Variants in TLN2 observed in about 807,000 individuals in gnomAD.
TLN2 encodes the protein talin 2, also known as talin-2.
A neutral mutation model predicts 294.7 loss-of-function variants in TLN2; 118 were observed. The ratio of observed to expected loss-of-function variants is 0.40; its 90% confidence interval spans 0.34 to 0.47. TLN2 has a LOEUF of 0.47. Among genes scored for constraint, TLN2 ranks in the 20% least tolerant of loss-of-function variants. TLN2 has a pLI of 0.84. For synonymous variants in TLN2, 1,431 were observed against 1,304.5 expected, an observed-to-expected ratio of 1.10 and a Z score of -2.09; for missense variants, 3,083 against 3,282.2, an observed-to-expected ratio of 0.94 and a Z score of 1.48.
chr15:62,460,347 C>T (rs773009508), intron 1 of TLN2, among the ~76,000 whole-genome samples: 13 of 151,658 alleles, frequency 8.6e-5, no homozygotes, highest in Non-Finnish European at 1.8e-4. Flanking sequence ...CTCACCGCAA[C>T]CTCCGCCTCC....
At chr15:62,592,173 G>A (rs1260815591) in intron 2 of TLN2, among the ~76,000 whole-genome samples, 2 of 152,178 alleles carry the variant, frequency 1.3e-5, no homozygotes, top group Non-Finnish European at 2.9e-5. Flanking sequence ...ATGATGTGGG[G>A]AAGAGCAGCA....
At chr15:62,690,632 A>C (rs1458660002) in intron 12 of TLN2, among the ~76,000 whole-genome samples, 3 of 148,472 alleles carry the variant, frequency 2.0e-5, no homozygotes, top group Non-Finnish European at 4.4e-5. Context: ...AGAGGCTGCA[A>C]TCTCGGCACT....
chr15:62,673,072 T>TTGTGTGTG (rs60589441), intron 9 of TLN2, among the ~76,000 whole-genome samples: 40,664 of 144,724 alleles, frequency 0.28, 6,022 homozygotes, highest in East Asian at 0.53. Flanking sequence ...CCTAATTTAA[T>TTGTGTGTG]TGTGTGTGTG....
In TLN2 at chr15:62,655,928, T is replaced by A. The variant is rs1257653450; in HGVS notation, c.518-16T>A. ...AAAATAAACACAGTTCTCTTATATGTCTTGTTGTGTTGCAGTAAATTGGCT... is the reference window on the plus strand; with the variant it reads ...AAAATAAACACAGTTCTCTTATATGACTTGTTGTGTTGCAGTAAATTGGCT... On this transcript the variant is annotated splice_polypyrimidine_tract_variant and intron_variant, in intron 7 of 58. Coordinates refer to ENST00000636159, the MANE Select transcript of TLN2 (RefSeq NM_015059.3). 6.2e-7 allele frequency: 1 copy of A among 1,614,130 alleles called. No individual in the cohort carries two copies. Among genetic ancestry groups the A allele is most frequent in the East Asian group, 2.2e-5 (1 of 44,880 alleles).
At chr15:62,752,492 A>G in intron 35 of TLN2, 65 bp downstream of exon 35, 2 of 1,572,498 alleles carry the variant, frequency 1.3e-6, no homozygotes, top group Non-Finnish European at 1.7e-6. Flanking sequence ...GTGTGGGGGA[A>G]CTCCAGCTGC....
intron 57 of TLN2, among the ~76,000 whole-genome samples, chr15:62,836,496 C>T (rs533012343): frequency 6.6e-6 from 1 of 152,330 alleles, no homozygotes; most frequent in African/African-American, 2.4e-5. Flanking sequence ...TAGATGCAGG[C>T]ACCACATCTT....
intron 1 of TLN2, among the ~76,000 whole-genome samples, chr15:62,407,856 G>A (rs2033508795): frequency 6.6e-6 from 1 of 151,942 alleles, no homozygotes; most frequent in Admixed American, 6.6e-5. Context: ...CAGAGGTTAT[G>A]GTGAGCTAAG....
Position 62,819,604 on chromosome 15 carries a change from C to A in TLN2, c.6860C>A (p.Ala2287Glu). 1 of 1,611,166 alleles carries A rather than the reference C, an allele frequency of 6.2e-7. No homozygotes were observed. Among genetic ancestry groups the A allele is most frequent in the East Asian group, 2.2e-5 (1 of 44,872 alleles). ...VAGAVTELIQ[A>E]AEAMKGTEWV... ...GGCGCTGTGACAGAGCTCATCCAGG[C>A]GGCGGAAGCCATGAAAGGTAGGCTG... The change falls in exon 53 of 59, where the codon GCG becomes GAG. Residue 2287 changes from alanine (A) to glutamate (E), a missense_variant. Physicochemically the swap from Ala to Glu is moderately radical, Grantham distance 107 (BLOSUM62 -1). Transcript: ENST00000636159.
At chr15:62,670,858 C>T (rs1463758100) in intron 9 of TLN2, among the ~76,000 whole-genome samples, 1 of 152,190 alleles carries the variant, frequency 6.6e-6, no homozygotes, top group Non-Finnish European at 1.5e-5. Context: ...TAAGGAACTA[C>T]CAAACTTTTT....
At chr15:62,640,078 A>G in intron 3 of TLN2, 1 of 444,498 alleles carries the variant, frequency 2.2e-6, no homozygotes, top group Admixed American at 2.4e-5. Flanking sequence ...TGTCCTGCCG[A>G]GCGAGGTGGA....
intron 9 of TLN2, among the ~76,000 whole-genome samples, chr15:62,661,299 G>A (rs148418361): frequency 9.2e-5 from 14 of 152,172 alleles, no homozygotes; most frequent in South Asian, 4.2e-4. Flanking sequence ...ACATTGTGCC[G>A]TGTTTGGAAT....
chr15:62,406,955 A>T (rs946722331), intron 1 of TLN2, among the ~76,000 whole-genome samples: 4 of 152,198 alleles, frequency 2.6e-5, no homozygotes, highest in Admixed American at 6.5e-5. Flanking sequence ...GGACTTTAAC[A>T]TATTTTTTGG....
At chr15:62,514,005 G>A (rs1036933831) in intron 1 of TLN2, among the ~76,000 whole-genome samples, 5 of 152,180 alleles carry the variant, frequency 3.3e-5, no homozygotes, top group Non-Finnish European at 5.9e-5. Flanking sequence ...AGAAATTCTT[G>A]TCAAGGAGTT....
rs573324949 is a variant in TLN2, at chr15:62,692,759, T to C, written c.1114-81T>C. On this transcript the variant is annotated intron_variant, in intron 12 of 58. Coordinates refer to ENST00000636159, the MANE Select transcript of TLN2 (RefSeq NM_015059.3). ...AGGGAAAATGAAGTCTATGTCATATTGTTCTAGAGCTGGACCTGCTAGCCT... is the reference window on the plus strand; with the variant it reads ...AGGGAAAATGAAGTCTATGTCATATCGTTCTAGAGCTGGACCTGCTAGCCT... The C allele has an allele frequency of 3.9e-5, 40 of 1,031,070 alleles. No homozygotes were observed. In the African/African-American group the frequency reaches 6.3e-4, roughly 16 times the overall value. 63.9% of individuals were successfully genotyped at this position (1,031,070 alleles called of 1,614,324 possible). A position where few individuals can be genotyped will look rare whatever the true frequency, so the allele number is the denominator to read the frequency against.
intron 2 of TLN2, among the ~76,000 whole-genome samples, chr15:62,590,725 T>C (rs539990539): frequency 1.9e-4 from 29 of 152,294 alleles, no homozygotes; most frequent in African/African-American, 6.5e-4. Context: ...TGATCCCAAG[T>C]AGTGTGTACG....
chr15:62,788,077 G>A (rs573765174), intron 45 of TLN2, among the ~76,000 whole-genome samples: 3 of 150,894 alleles, frequency 2.0e-5, no homozygotes, highest in Admixed American at 6.6e-5. Flanking sequence ...TTGGGAGGCC[G>A]AGATGAGTGG....
chr15:62,667,126 C>T (rs1195505874), intron 9 of TLN2, among the ~76,000 whole-genome samples: 14 of 152,098 alleles, frequency 9.2e-5, no homozygotes, highest in East Asian at 3.9e-4. Context: ...CCACCACGCC[C>T]GGCTAATTTT....
At position 62,726,382 on chromosome 15, in the gene TLN2, A is replaced by G. The variant is rs543938129; in HGVS notation, c.3256-705A>G. On this transcript the variant is annotated intron_variant, in intron 27 of 58. Transcript: ENST00000636159. ...TTTTGTACTCTCGCAGTATACCTGG[A>G]AATTCTCTTCCAAAACCTCATCTAG... Among the ~76,000 whole-genome samples, 29 of 152,316 alleles carry G rather than the reference A, an allele frequency of 1.9e-4. 1 individual carries two copies. The South Asian group carries it at 5.8e-3, about 30-fold the overall frequency.
chr15:62,433,910 A>G (rs538956270), intron 1 of TLN2, among the ~76,000 whole-genome samples: 51 of 151,990 alleles, frequency 3.4e-4, no homozygotes, highest in African/African-American at 1.1e-3. Flanking sequence ...AATCACTTGA[A>G]CCCAGGAGGC....
Sources: gnomAD v4.1 joint callset for allele counts (sites outside exome capture counted in the v4.1 genomes callset) on GRCh38, gnomAD v4.1.1 for gene constraint, MANE v1.5 for transcripts, NCBI Gene and HGNC (gene_info 2026-07-23, HGNC 2026-07-21) for gene names.